RBFOX3: variants seen among roughly 807,000 people sequenced by gnomAD.
RBFOX3 encodes RNA binding protein fox-1 homolog 3.
A neutral mutation model predicts 48.7 loss-of-function variants in RBFOX3; 17 were observed. The ratio of observed to expected loss-of-function variants is 0.35; its 90% CI spans 0.24 to 0.52. The LOEUF is 0.52. Ranked by LOEUF, RBFOX3 falls within the 20% of genes least tolerant of loss-of-function variation. The pLI is 0.94. For missense variants in RBFOX3, 382 were observed against 497.5 expected, an observed-to-expected ratio of 0.77 and a Z score of 2.21; for synonymous variants, 212 against 209.5, an observed-to-expected ratio of 1.01 and a Z score of -0.10.
At chr17:79,422,494 C>A (rs1456210205) in intron 2 of RBFOX3, among the ~76,000 whole-genome samples, 1 of 152,122 alleles carries the variant, frequency 6.6e-6, no homozygotes, top group South Asian at 2.1e-4. Context: ...CAGGGCTTCC[C>A]GGCCCAGGCT....
chr17:79,469,800 G>T (rs1163149652), intron 2 of RBFOX3, among the ~76,000 whole-genome samples: 1 of 152,198 alleles, frequency 6.6e-6, no homozygotes, highest in Admixed American at 6.5e-5. Context: ...ACGCATGAAG[G>T]AGAGCGCTCA....
At chr17:79,330,577 A>AG (rs11397497) in intron 2 of RBFOX3, among the ~76,000 whole-genome samples, 148,488 of 152,190 alleles carry the variant, frequency 0.98, 72,543 homozygotes, top group East Asian at 1. Flanking sequence ...TCAGGGTGGC[A>AG]GGGGGTCTGA....
chr17:79,611,146 C>T (rs1402922891), upstream of RBFOX3, among the ~76,000 whole-genome samples: 1 of 32,582 alleles, frequency 3.1e-5, no homozygotes, highest in African/African-American at 7.2e-5. Flanking sequence ...CTCTCTCTCT[C>T]TCTCTCTCTC....
Position 79,214,712 on chromosome 17 carries a change from C to T in RBFOX3, c.-34+21054G>A, listed in dbSNP as rs1667911361. Among the ~76,000 whole-genome samples, 1 of 152,088 alleles carries T rather than the reference C, an allele frequency of 6.6e-6. No homozygotes were observed. The highest frequency in any genetic ancestry group is 2.1e-4 in the South Asian group (1 of 4,810). ...CATCTGGGAAGCCCAGGAGGGGAGG[C>T]TGGAGGCCCAGGGGCCCCCAGCTAC... On this transcript the variant is annotated intron_variant, in intron 4 of 14. Coordinates refer to ENST00000693108, the MANE Select transcript of RBFOX3 (RefSeq NM_001350451.2). This position sits in a 1 kb window ranked among gnomAD's most constrained non-coding sequence, Gnocchi z 4.7.
chr17:79,308,319 G>T (rs1370236909), intron 2 of RBFOX3, among the ~76,000 whole-genome samples: 1 of 152,238 alleles, frequency 6.6e-6, no homozygotes, highest in Non-Finnish European at 1.5e-5. Context: ...AGCCCTCGTG[G>T]TTTGTACTTG....
chr17:79,465,072 A>G (rs1032925751), intron 2 of RBFOX3, among the ~76,000 whole-genome samples: 28 of 152,124 alleles, frequency 1.8e-4, no homozygotes, highest in African/African-American at 6.5e-4. Context: ...GAAGTGAAGG[A>G]CTGCAAACCC....
At chr17:79,201,800 C>T (rs1446093767) in intron 4 of RBFOX3, among the ~76,000 whole-genome samples, 1 of 152,206 alleles carries the variant, frequency 6.6e-6, no homozygotes, top group African/African-American at 2.4e-5. Context: ...TTTCTCTCCT[C>T]CACACTTCCC....
chr17:79,481,677 G>A lies in RBFOX3; in HGVS notation c.-175+777C>T, dbSNP rs1041024169. 6.6e-6 allele frequency among the ~76,000 whole-genome samples: 1 copy of A among 152,286 alleles called. No homozygotes were observed. The highest frequency in any genetic ancestry group is 2.4e-5 in the African/African-American group (1 of 41,554). ...GGTGAACTTGTGGGTGAACCAGCAG[G>A]GTGGTGCATCCTAACACCATGGGGA... On this transcript the variant is annotated intron_variant, in intron 2 of 14. Transcript: ENST00000693108. This position sits in a 1 kb window ranked among gnomAD's most constrained non-coding sequence, Gnocchi z 5.4.
chr17:79,266,818 A>T (rs2066784005), intron 3 of RBFOX3, among the ~76,000 whole-genome samples: 1 of 152,144 alleles, frequency 6.6e-6, no homozygotes, highest in African/African-American at 2.4e-5. Context: ...AGTGTGGTGG[A>T]GCTTCCTGCT....
At chr17:79,124,515 C>CGG (rs1314507510) in intron 4 of RBFOX3, among the ~76,000 whole-genome samples, 1 of 152,254 alleles carries the variant, frequency 6.6e-6, no homozygotes, top group African/African-American at 2.4e-5. Context: ...GGGAACTGAC[C>CGG]ATTCCCAGCC....
At chr17:79,608,293 C>A (rs1041530165) in intron 1 of RBFOX3, among the ~76,000 whole-genome samples, 5 of 152,218 alleles carry the variant, frequency 3.3e-5, no homozygotes, top group Non-Finnish European at 5.9e-5. Context: ...TCACTGGGTG[C>A]GGAGCATTTG....
At chr17:79,127,608 G>A (rs2147368248) in intron 4 of RBFOX3, among the ~76,000 whole-genome samples, 1 of 152,298 alleles carries the variant, frequency 6.6e-6, no homozygotes, top group Non-Finnish European at 1.5e-5. Flanking sequence ...GTCAAGGGAA[G>A]GCCCAGGTGC....
chr17:79,377,289 G>A (rs773829707), intron 2 of RBFOX3, among the ~76,000 whole-genome samples: 9 of 152,020 alleles, frequency 5.9e-5, no homozygotes, highest in Non-Finnish European at 1.0e-4. Flanking sequence ...ACACAGAGAC[G>A]CATACAGAGC....
At chr17:79,459,699 G>C (rs782372372) in intron 2 of RBFOX3, among the ~76,000 whole-genome samples, 8 of 152,164 alleles carry the variant, frequency 5.3e-5, no homozygotes, top group Non-Finnish European at 1.0e-4. Flanking sequence ...CACAATGGCA[G>C]GTATTGGAAC....
chr17:79,492,100 C>T (rs1353822753), intron 1 of RBFOX3, among the ~76,000 whole-genome samples: 4 of 152,194 alleles, frequency 2.6e-5, no homozygotes, highest in Non-Finnish European at 5.9e-5. Flanking sequence ...AAAGAAATGG[C>T]ACAGTATGAT....
intron 4 of RBFOX3, among the ~76,000 whole-genome samples, chr17:79,206,340 G>A (rs970788105): frequency 4.6e-5 from 7 of 152,164 alleles, no homozygotes; most frequent in Middle Eastern, 3.2e-3. Context: ...CAGAGCAAAC[G>A]AGGGCTCTAT....
chr17:79,435,798 GCCTT>G (rs2069322931), intron 2 of RBFOX3, among the ~76,000 whole-genome samples: 1 of 152,198 alleles, frequency 6.6e-6, no homozygotes, highest in South Asian at 2.1e-4. Context: ...ATCCACAACA[GCCTT>G]CCAGTCCCCG....
At chr17:79,217,870 G>C (rs963596214) in intron 4 of RBFOX3, among the ~76,000 whole-genome samples, 3 of 152,270 alleles carry the variant, frequency 2.0e-5, no homozygotes, top group Admixed American at 1.3e-4. Context: ...GCTGGGCCAC[G>C]GGGCTTAGGG....
chr17:79,521,348 TCACA>T (rs1205808284), intron 1 of RBFOX3, among the ~76,000 whole-genome samples: 1 of 145,982 alleles, frequency 6.9e-6, no homozygotes, highest in Admixed American at 6.8e-5. Flanking sequence ...ATTCACACAC[TCACA>T]CTCAGACACA....
Sources: allele counts gnomAD v4.1 joint callset (sites outside exome capture counted in the v4.1 genomes callset), GRCh38; gene constraint gnomAD v4.1.1; non-coding constraint Gnocchi (gnomAD v3.1); transcripts MANE v1.5; gene names NCBI Gene and HGNC (gene_info 2026-07-23, HGNC 2026-07-21).